The following ANKRD17 variants were observed in gnomAD, a reference collection of about 807,000 sequenced individuals.
ANKRD17 encodes the protein ankyrin repeat domain-containing protein 17.
A neutral mutation model predicts 229.7 loss-of-function variants in ANKRD17; 19 were observed. The observed-to-expected ratio is 0.08, with a 90% confidence interval of 0.06 to 0.12. The LOEUF (loss-of-function observed/expected upper bound fraction) is 0.12. Among genes scored for constraint, ANKRD17 ranks in the 10% least tolerant of loss-of-function variants. The probability of loss-of-function intolerance (pLI) is 1.00; values close to 1 mark genes in which losing one functional copy is unlikely to be tolerated. For synonymous variants in ANKRD17, 1,112 were observed against 1,146.1 expected (o/e 0.97, Z 0.60); for missense variants, 2,176 against 3,176.8 (o/e 0.68, Z 7.57).
At chr4:73,190,227 G>A (rs1401530524) in intron 1 of ANKRD17, among the ~76,000 whole-genome samples, 3 of 152,060 alleles carry the variant, frequency 2.0e-5, no homozygotes, top group East Asian at 1.9e-4. Context: ...AAATCAGACA[G>A]GTGTGGTGGC....
intron 16 of ANKRD17, among the ~76,000 whole-genome samples, chr4:73,134,822 A>T (rs1345334305): frequency 6.6e-6 from 1 of 151,674 alleles, no homozygotes; most frequent in Non-Finnish European, 1.5e-5. Flanking sequence ...TTATTATTAG[A>T]AGAAGTTATG....
intron 1 of ANKRD17, among the ~76,000 whole-genome samples, chr4:73,249,622 C>T (rs1049468137): frequency 1.3e-5 from 2 of 152,080 alleles, no homozygotes; most frequent in African/African-American, 4.8e-5. Flanking sequence ...TTTGGAAGGC[C>T]GAGGGGGGCG....
rs146375539 is a variant in ANKRD17, at chr4:73,203,996, A to G, written c.394-26463T>C. Among the ~76,000 whole-genome samples the G allele has an allele frequency of 1.0e-3, 159 of 152,230 alleles. 1 individual carries two copies. Among genetic ancestry groups the G allele is most frequent in the African/African-American group, 3.7e-3 (154 of 41,548 alleles). Reference sequence around the variant, plus strand: ...GTGCACAGAAAGGAAGATAAGAATGACTGCTGACTTCTTATTCAAAAGAAG... The same window carrying G: ...GTGCACAGAAAGGAAGATAAGAATGGCTGCTGACTTCTTATTCAAAAGAAG... On this transcript the variant is annotated intron_variant, in intron 1 of 33. Transcript: ENST00000358602.
chr4:73,154,605 T>C (rs1309494818), intron 5 of ANKRD17, among the ~76,000 whole-genome samples: 1 of 152,152 alleles, frequency 6.6e-6, no homozygotes, highest in African/African-American at 2.4e-5. Context: ...AATTCAAATT[T>C]CTAAATTTGA....
At chr4:73,208,930 G>GT (rs1295917250) in intron 1 of ANKRD17, among the ~76,000 whole-genome samples, 1 of 152,090 alleles carries the variant, frequency 6.6e-6, no homozygotes, top group African/African-American at 2.4e-5. Context: ...GAACAAAATA[G>GT]GCTGGGCGCG....
rs761544173 is a variant in ANKRD17, at chr4:73,112,849, G to A, written c.4401+943C>T. The A allele has an allele frequency of 4.7e-5, 18 of 381,654 alleles. No individual in the cohort carries two copies. The East Asian group carries it at 9.8e-4, about 21-fold the overall frequency. 23.6% of individuals were successfully genotyped at this position (381,654 alleles called of 1,614,324 possible). The stretch of plus-strand genomic sequence containing the variant: ...GTTGCCCAGGCTGGAGTGCAGTGGC[G>A]TGATCTTGGCTCACTGCAACCTCCG... On this transcript the variant is annotated intron_variant, in intron 24 of 33. Transcript: ENST00000358602.
intron 1 of ANKRD17, chr4:73,222,912 C>T (rs915314552): frequency 7.7e-6 from 10 of 1,302,810 alleles, no homozygotes; most frequent in Admixed American, 2.0e-5. Context: ...AAAATAATTC[C>T]GGCAGATAAG....
chr4:73,078,602 CA>C, intron 31 of ANKRD17, 39 bp downstream of exon 31: 1 of 1,585,938 alleles, frequency 6.3e-7, no homozygotes, highest in African/African-American at 1.4e-5. Context: ...TAGTTAAATG[CA>C]TTAAGTTAAT....
chr4:73,183,051 T>C (rs1458897870), intron 1 of ANKRD17, among the ~76,000 whole-genome samples: 1 of 152,162 alleles, frequency 6.6e-6, no homozygotes, highest in Non-Finnish European at 1.5e-5. Context: ...AAAAGGAAAG[T>C]CTAAAATGTG....
intron 16 of ANKRD17, among the ~76,000 whole-genome samples, chr4:73,130,473 G>A (rs903704238): frequency 2.6e-5 from 4 of 151,832 alleles, no homozygotes; most frequent in African/African-American, 9.7e-5. Context: ...ACCATTAAAG[G>A]TAAAATATAA....
At chr4:73,149,109 T>G (rs571605786) in intron 7 of ANKRD17, 59 bp from the exon 8 acceptor site, 12 of 1,410,054 alleles carry the variant, frequency 8.5e-6, no homozygotes, top group Admixed American at 3.9e-5. Flanking sequence ...CTTGAAAAAT[T>G]TGAAGACTTC....
chr4:73,145,449 T>C (rs921182360), intron 10 of ANKRD17, among the ~76,000 whole-genome samples: 6 of 152,180 alleles, frequency 3.9e-5, no homozygotes, highest in Non-Finnish European at 5.9e-5. Context: ...GATTACTAAG[T>C]AATCAAGAAC....
intron 1 of ANKRD17, among the ~76,000 whole-genome samples, 181 bp downstream of exon 1, chr4:73,258,095 T>C (rs1283796343): frequency 1.3e-5 from 2 of 150,346 alleles, no homozygotes; most frequent in Non-Finnish European, 3.0e-5. Context: ...ACGTGTCAGC[T>C]ACCCTCCCCC....
intron 1 of ANKRD17, among the ~76,000 whole-genome samples, chr4:73,225,135 TTTG>T (rs1291173441): frequency 6.6e-6 from 1 of 152,178 alleles, no homozygotes; most frequent in African/African-American, 2.4e-5. Context: ...CAAACTGGCT[TTTG>T]TTATTTCCTG....
intron 30 of ANKRD17, among the ~76,000 whole-genome samples, chr4:73,081,721 T>G (rs1721585989): frequency 6.6e-6 from 1 of 152,204 alleles, no homozygotes; most frequent in African/African-American, 2.4e-5. Flanking sequence ...GTACAGCACT[T>G]GGAAGTACCC....
Position 73,098,353 on chromosome 4 carries a change from C to A in ANKRD17, c.4741G>T (p.Val1581Phe). 6.2e-7 allele frequency: 1 copy of A among 1,614,132 alleles called. No homozygotes were observed. The highest frequency in any genetic ancestry group is 1.1e-5 in the South Asian group (1 of 91,084). Reference protein sequence around the residue: ...NRKNKITPENVQIIFDDPLPI... With the variant: ...NRKNKITPENFQIIFDDPLPI... ...AGTGGATCATCAAATATAATTTGAA[C>A]GTTTTCTGGAGTAATTTTATTTTTC... The change falls in exon 26 of 34, where the codon GTT becomes TTT. Residue 1581 changes from valine (V) to phenylalanine (F), a missense_variant. Physicochemically the swap from Val to Phe is conservative, Grantham distance 50 (BLOSUM62 -1). Around this residue, in one of 18 missense-constraint regions of ANKRD17, gnomAD observed 105 missense variants for 118.3 expected, o/e 0.89. Coordinates refer to ENST00000358602, the MANE Select transcript of ANKRD17 (RefSeq NM_032217.5).
chr4:73,102,187 T>TC (rs1724091851), intron 25 of ANKRD17, among the ~76,000 whole-genome samples, 189 bp downstream of exon 25: 1 of 152,194 alleles, frequency 6.6e-6, no homozygotes, highest in Non-Finnish European at 1.5e-5. Context: ...TCTTGAACTC[T>TC]TAGACTCAAG....
At chr4:73,086,374 A>AT (rs988700208) in intron 29 of ANKRD17, among the ~76,000 whole-genome samples, 1 of 151,374 alleles carries the variant, frequency 6.6e-6, no homozygotes, top group Admixed American at 6.6e-5. Flanking sequence ...TTTAGATAAC[A>AT]TTTTTTTTTA....
chr4:73,181,874 C>T (rs1258718748), intron 1 of ANKRD17, among the ~76,000 whole-genome samples: 1 of 150,896 alleles, frequency 6.6e-6, no homozygotes, highest in Non-Finnish European at 1.5e-5. Context: ...ATGGTGAAAC[C>T]CTGTCTCTAC....
Sources: gnomAD v4.1 joint callset for allele counts (sites outside exome capture counted in the v4.1 genomes callset) on GRCh38, gnomAD v4.1.1 for gene constraint, gnomAD v4.1.1 regional missense constraint, MANE v1.5 for transcripts, NCBI Gene and HGNC (gene_info 2026-07-23, HGNC 2026-07-21) for gene names.